The following EFL1 variants were observed in gnomAD, a reference collection of about 807,000 sequenced individuals.
EFL1 encodes elongation factor like GTPase 1, also known as elongation factor-like GTPase 1.
In EFL1, 76 loss-of-function variants were observed where a neutral mutation model predicts 126.7. That is an observed-to-expected ratio of 0.60 (90% CI 0.50 to 0.73). The LOEUF is 0.73. Ranked by LOEUF, EFL1 falls within the 30% of genes least tolerant of loss-of-function variation. EFL1 has a pLI of 0.00. For missense variants in EFL1, 1,128 were observed against 1,343.2 expected (o/e 0.84, Z 2.50); for synonymous variants, 410 against 448.4 (o/e 0.91, Z 1.08).
At chr15:82,246,778 G>A (rs550388183) in intron 4 of EFL1, among the ~76,000 whole-genome samples, 27 of 152,172 alleles carry the variant, frequency 1.8e-4, no homozygotes, top group African/African-American at 6.0e-4. Context: ...TCTCTTTTCT[G>A]TGAAATAGAA....
chr15:82,146,489 T>C (rs2073846960), intron 18 of EFL1, among the ~76,000 whole-genome samples: 1 of 152,184 alleles, frequency 6.6e-6, no homozygotes, highest in African/African-American at 2.4e-5. Context: ...GCTGACTGCA[T>C]TGATAGACCC....
chr15:82,167,851 G>C (rs777802592), intron 15 of EFL1, among the ~76,000 whole-genome samples: 16 of 152,162 alleles, frequency 1.1e-4, no homozygotes, highest in Non-Finnish European at 1.9e-4. Context: ...TTAGAATATG[G>C]TCTCTTAATC....
At chr15:82,142,076 T>A (rs1406090356) in intron 18 of EFL1, among the ~76,000 whole-genome samples, 1 of 152,236 alleles carries the variant, frequency 6.6e-6, no homozygotes. Context: ...TGTGCCATTG[T>A]CATCACTGAG....
intron 15 of EFL1, among the ~76,000 whole-genome samples, chr15:82,203,086 C>T (rs1262964350): frequency 6.6e-6 from 1 of 152,128 alleles, no homozygotes; most frequent in Non-Finnish European, 1.5e-5. Context: ...GCTGGGATTA[C>T]AGGCGTGACC....
chr15:82,207,836 C>T (rs2074542430), intron 15 of EFL1, among the ~76,000 whole-genome samples: 1 of 151,862 alleles, frequency 6.6e-6, no homozygotes, highest in South Asian at 2.1e-4. Context: ...GATTCTCCTG[C>T]CTCAGCCTCC....
chr15:82,218,630 A>G (rs1366580256), intron 14 of EFL1, among the ~76,000 whole-genome samples: 2 of 152,228 alleles, frequency 1.3e-5, no homozygotes. Context: ...GATTACGTAG[A>G]TGTATAAAAA....
intron 18 of EFL1, among the ~76,000 whole-genome samples, chr15:82,144,046 G>A (rs899063452): frequency 1.3e-5 from 2 of 152,130 alleles, no homozygotes; most frequent in Non-Finnish European, 2.9e-5. Flanking sequence ...CAGGATTTGA[G>A]AGGTCAAGCT....
At chr15:82,169,523 T>C (rs2074112350) in intron 15 of EFL1, among the ~76,000 whole-genome samples, 1 of 152,188 alleles carries the variant, frequency 6.6e-6, no homozygotes, top group Non-Finnish European at 1.5e-5. Flanking sequence ...CATGGACAAC[T>C]AGGCAGATAA....
intron 3 of EFL1, among the ~76,000 whole-genome samples, chr15:82,254,193 C>G (rs868551320): frequency 6.6e-6 from 1 of 152,182 alleles, no homozygotes; most frequent in African/African-American, 2.4e-5. Context: ...TGCAGCATGA[C>G]AGTTACCCTT....
At chr15:82,161,066 T>C (rs189705409) in intron 16 of EFL1, among the ~76,000 whole-genome samples, 1 of 152,174 alleles carries the variant, frequency 6.6e-6, no homozygotes, top group Non-Finnish European at 1.5e-5. Flanking sequence ...CCATGAGATT[T>C]TGACCCCCAC....
intron 18 of EFL1, among the ~76,000 whole-genome samples, chr15:82,149,513 T>C (rs1221873616): frequency 6.6e-6 from 1 of 152,186 alleles, no homozygotes; most frequent in Non-Finnish European, 1.5e-5. Context: ...GGTAACAGTG[T>C]AGACACAGAC....
intron 19 of EFL1, among the ~76,000 whole-genome samples, chr15:82,134,931 T>C (rs574244183): frequency 6.6e-6 from 1 of 152,320 alleles, no homozygotes; most frequent in Non-Finnish European, 1.5e-5. Context: ...GATTGTAAAT[T>C]ATATGGTGTG....
At position 82,147,535 on chromosome 15, in the gene EFL1, G is replaced by A. The variant is rs576913392; in HGVS notation, c.2989+3930C>T. ...TGCACGTGTGTAATCCCAGCTACTT[G>A]GGAGGCTGAGTCAGGAGAATTGTTT... is the stretch of plus-strand genomic sequence containing the variant. On this transcript the variant is annotated intron_variant, in intron 18 of 19. Transcript: ENST00000268206. 1.4e-3 allele frequency among the ~76,000 whole-genome samples: 210 copies of A among 151,828 alleles called. 1 individual carries two copies. Among genetic ancestry groups the A allele is most frequent in the Admixed American group, 1.8e-3 (27 of 15,258 alleles).
intron 14 of EFL1, among the ~76,000 whole-genome samples, chr15:82,217,764 G>T (rs1427616355): frequency 6.6e-6 from 1 of 152,200 alleles, no homozygotes; most frequent in Admixed American, 6.6e-5. Context: ...AGTGGGACCT[G>T]TGACTTGCTT....
At position 82,152,199 on chromosome 15, in the gene EFL1, C is replaced by T. The variant is rs562827593; in HGVS notation, c.2255G>A (p.Ser752Asn). 2.9e-5 allele frequency: 47 copies of T among 1,614,194 alleles called. No individual in the cohort carries two copies. In the South Asian group the frequency reaches 4.5e-4, roughly 15 times the overall value. Residue 752 changes from serine to asparagine, a missense_variant, in exon 18 of 20, where the codon AGT becomes AAT. By Grantham distance (46) the Ser-to-Asn change is conservative (BLOSUM62 1). Around this residue, in one of 6 missense-constraint regions of EFL1, gnomAD observed 561 missense variants for 641.7 expected, o/e 0.87. Coordinates refer to ENST00000268206, the MANE Select transcript of EFL1 (RefSeq NM_024580.6). ...TTCTGGAAGGGGCATGGCTCGAACA[C>T]TGAGCGTGGCAAGTTTATTGGGAGT... ...ITTPNKLATL[S>N]VRAMPLPEEV...
At chr15:82,173,424 A>G (rs1444899548) in intron 15 of EFL1, among the ~76,000 whole-genome samples, 1 of 152,248 alleles carries the variant, frequency 6.6e-6, no homozygotes, top group Admixed American at 6.5e-5. Context: ...GGACTTAGAT[A>G]GCTAACATTT....
intron 4 of EFL1, among the ~76,000 whole-genome samples, chr15:82,244,541 CA>C (rs1298534291): frequency 2.6e-5 from 4 of 152,058 alleles, no homozygotes; most frequent in Non-Finnish European, 4.4e-5. Flanking sequence ...CCAGGCATTC[CA>C]AACTAAACGG....
chr15:82,134,870 C>T (rs2073704022), intron 19 of EFL1, among the ~76,000 whole-genome samples: 1 of 152,084 alleles, frequency 6.6e-6, no homozygotes, highest in Non-Finnish European at 1.5e-5. Flanking sequence ...GGAAAAATGC[C>T]TGTAATTTTA....
intron 4 of EFL1, 133 bp from the exon 5 acceptor site, chr15:82,241,536 T>C: frequency 8.9e-7 from 1 of 1,128,042 alleles, no homozygotes; most frequent in Non-Finnish European, 1.2e-6. Flanking sequence ...GAAAGCTCAA[T>C]CCAGAGCTAC....
Sources: gnomAD v4.1 joint callset for allele counts (sites outside exome capture counted in the v4.1 genomes callset) on GRCh38, gnomAD v4.1.1 for gene constraint, gnomAD v4.1.1 regional missense constraint, MANE v1.5 for transcripts, NCBI Gene and HGNC (gene_info 2026-07-23, HGNC 2026-07-21) for gene names.